The following RIMS2 variants were observed in gnomAD, a reference collection of about 807,000 sequenced individuals.
RIMS2 encodes regulating synaptic membrane exocytosis 2.
RIMS2 carries 59 observed loss-of-function variants against 174.4 expected under a neutral mutation model. The observed-to-expected ratio is 0.34, with a 90% confidence interval of 0.27 to 0.42. The LOEUF (loss-of-function observed/expected upper bound fraction) is 0.42, where lower values mean the gene tolerates loss of function less well. Ranked by LOEUF, RIMS2 falls within the 10% of genes least tolerant of loss-of-function variation. The pLI is 1.00. For missense variants in RIMS2, 1,620 were observed against 1,666.3 expected (o/e 0.97, Z 0.48); for synonymous variants, 606 against 572.5 (o/e 1.06, Z -0.84).
intron 3 of RIMS2, among the ~76,000 whole-genome samples, chr8:103,778,808 G>C (rs2098349019): frequency 6.6e-6 from 1 of 152,026 alleles, no homozygotes; most frequent in African/African-American, 2.4e-5. Context: ...TCTATTTTTA[G>C]TTTTTTGAGG....
chr8:103,825,285 G>T (rs1362644444), intron 3 of RIMS2, among the ~76,000 whole-genome samples: 1 of 151,534 alleles, frequency 6.6e-6, no homozygotes, highest in Non-Finnish European at 1.5e-5. Context: ...TTATTTGTTT[G>T]TTTTTATTTT....
chr8:104,013,808 A>C (rs2095830138), intron 18 of RIMS2, among the ~76,000 whole-genome samples, 187 bp downstream of exon 20: 1 of 152,044 alleles, frequency 6.6e-6, no homozygotes, highest in Non-Finnish European at 1.5e-5. Flanking sequence ...TACCATTGTA[A>C]TTTGTTTATT....
chr8:104,061,101 C>T (rs1357682707), intron 19 of RIMS2, among the ~76,000 whole-genome samples: 1 of 152,132 alleles, frequency 6.6e-6, no homozygotes, highest in Admixed American at 6.5e-5. Flanking sequence ...TGGTGCAGAG[C>T]TGAGTTCAAT....
At chr8:104,223,753 C>T in intron 19 of RIMS2, 1 of 1,596,060 alleles carries the variant, frequency 6.3e-7, no homozygotes, top group Non-Finnish European at 8.5e-7. Context: ...CACTGGCCGG[C>T]TACTTTCCCT....
intron 1 of RIMS2, among the ~76,000 whole-genome samples, chr8:103,604,285 G>A (rs2094929652): frequency 6.6e-6 from 1 of 151,484 alleles, no homozygotes; most frequent in South Asian, 2.1e-4. Context: ...TTTTTGTCAG[G>A]TTTGTCAAAG....
intron 19 of RIMS2, among the ~76,000 whole-genome samples, chr8:104,020,311 C>A (rs2096055799): frequency 6.6e-6 from 1 of 151,894 alleles, no homozygotes; most frequent in African/African-American, 2.4e-5. Flanking sequence ...GAAACATCAA[C>A]ACCACCTACT....
At chr8:103,945,749 TAA>T (rs200096706) in intron 14 of RIMS2, among the ~76,000 whole-genome samples, 8 of 136,460 alleles carry the variant, frequency 5.9e-5, no homozygotes, top group Admixed American at 7.4e-5. Context: ...CATTCACAAT[TAA>T]AAAAAAAAAA....
chr8:104,059,308 G>A (rs1337186406), intron 19 of RIMS2, among the ~76,000 whole-genome samples: 2 of 148,550 alleles, frequency 1.3e-5, no homozygotes, highest in Non-Finnish European at 3.0e-5. Flanking sequence ...TGGATTCCTA[G>A]GTATTTTATT....
At chr8:104,245,160 T>C in intron 20 of RIMS2, 103 bp downstream of exon 26, 1 of 1,156,580 alleles carries the variant, frequency 8.6e-7, no homozygotes, top group South Asian at 1.5e-5. Flanking sequence ...TCAGAACCAC[T>C]TTAATTTTCA....
chr8:103,707,820 G>C (rs558916912), intron 2 of RIMS2, among the ~76,000 whole-genome samples: 4 of 152,178 alleles, frequency 2.6e-5, no homozygotes, highest in Non-Finnish European at 5.9e-5. Flanking sequence ...GTCAACAGGC[G>C]GTGAAACCTG....
downstream of RIMS2, chr8:104,254,004 G>A (rs1273065719): frequency 6.6e-6 from 1 of 152,106 alleles, no homozygotes; most frequent in East Asian, 1.9e-4. Flanking sequence ...CTGTGTACCA[G>A]CAACAATTGA....
intron 3 of RIMS2, among the ~76,000 whole-genome samples, chr8:103,843,901 T>G (rs2098954405): frequency 2.0e-5 from 3 of 152,176 alleles, no homozygotes; most frequent in Non-Finnish European, 2.9e-5. Flanking sequence ...CCAAATCTCA[T>G]CTTGAATTCC....
chr8:103,754,347 A>T (rs1029166289), intron 2 of RIMS2, among the ~76,000 whole-genome samples: 17 of 152,208 alleles, frequency 1.1e-4, no homozygotes, highest in African/African-American at 3.9e-4. Context: ...TTTTACTTCC[A>T]ACGATGTGGT....
At chr8:103,908,758 G>A (rs1030138105) in intron 4 of RIMS2, among the ~76,000 whole-genome samples, 11 of 152,082 alleles carry the variant, frequency 7.2e-5, no homozygotes, top group Non-Finnish European at 1.0e-4. Flanking sequence ...AAGGGTTATT[G>A]TAAATGTCTT....
intron 19 of RIMS2, among the ~76,000 whole-genome samples, chr8:104,201,269 A>T (rs956685102): frequency 6.6e-6 from 1 of 152,168 alleles, no homozygotes; most frequent in Non-Finnish European, 1.5e-5. Flanking sequence ...GCTTTGTCTT[A>T]TTCTTTTTGT....
chr8:103,587,401 A>T (rs1180388800), intron 1 of RIMS2, among the ~76,000 whole-genome samples: 1 of 146,462 alleles, frequency 6.8e-6, no homozygotes, highest in Non-Finnish European at 1.5e-5. Context: ...CACATCAGGA[A>T]GAAAAAAGAA....
Position 103,652,575 on chromosome 8 carries a change from A to G in RIMS2, c.177-44511A>G, listed in dbSNP as rs756224553. 3 of 997,714 alleles carry G rather than the reference A, an allele frequency of 3.0e-6. No individual in the cohort carries two copies. The Admixed American group carries it at 6.4e-5, about 21-fold the overall frequency. 61.8% of individuals were successfully genotyped at this position (997,714 alleles called of 1,614,324 possible). The stretch of plus-strand genomic sequence containing the variant: ...TATGGATAAGAAAACGTTAACCTAC[A>G]TTGTTATTCATTTGGTTATTCAGTC... On this transcript the variant is annotated intron_variant, in intron 1 of 23. Coordinates refer to ENST00000504942, the Ensembl canonical transcript of RIMS2.
chr8:103,600,284 T>TTTC (rs2094669190), intron 1 of RIMS2, among the ~76,000 whole-genome samples: 1 of 152,098 alleles, frequency 6.6e-6, no homozygotes, highest in Non-Finnish European at 1.5e-5. Context: ...TCTTTCTTTT[T>TTTC]TCTGAGACAG....
At position 103,589,714 on chromosome 8, in the gene RIMS2, T is replaced by A. The variant is rs534769224; in HGVS notation, c.176+88652T>A. On this transcript the variant is annotated intron_variant, in intron 1 of 23. Transcript: ENST00000504942. The stretch of plus-strand genomic sequence containing the variant: ...CACACAGAGGAATAGATAAAGAAAT[T>A]GTGATATATATGCAAAATGGAATAC... Among the ~76,000 whole-genome samples the A allele has an allele frequency of 6.1e-3, 931 of 151,584 alleles. 12 individuals are homozygous for A. Among genetic ancestry groups the A allele is most frequent in the African/African-American group, 0.021 (881 of 41,468 alleles).
Sources: gnomAD v4.1 joint callset for allele counts (sites outside exome capture counted in the v4.1 genomes callset) on GRCh38, gnomAD v4.1.1 for gene constraint, MANE v1.5 for transcripts, NCBI Gene and HGNC (gene_info 2026-07-23, HGNC 2026-07-21) for gene names.